CHST6: variants seen among roughly 807,000 people sequenced by gnomAD.
The protein encoded by CHST6 is carbohydrate sulfotransferase 6.
For synonymous variants in CHST6, 309 were observed against 276.4 expected (o/e 1.12, Z -1.17); for missense variants, 698 against 586.2 (o/e 1.19, Z -1.97).
rs749119225 is a variant in CHST6 at position 75,478,932 on chromosome 16, G to C, written c.897C>G (p.Leu299=). 17 of 1,613,100 alleles carry C rather than the reference G, an allele frequency of 1.1e-5. 1 individual carries two copies. In the South Asian group the frequency reaches 1.9e-4, roughly 18 times the overall value. ...AFTGLSLTPQ[L]EAWIHNITHG... is the part of the protein sequence containing the mutation. The stretch of plus-strand genomic sequence containing the variant: ...GGGTGATGTTATGGATCCAGGCCTC[G>C]AGCTGTGGCGTGAGACTGAGCCCAG... Residue 299 remains leucine, a synonymous_variant, in exon 3 of 3, where the codon CTC becomes CTG. Coordinates refer to ENST00000332272, the MANE Select transcript of CHST6 (RefSeq NM_021615.5).
rs887842598 is a variant in CHST6 at position 75,474,207 on chromosome 16, T to C, written c.*4434A>G. The C allele has an allele frequency of 2.4e-5, 4 of 166,732 alleles. No homozygotes were observed. Among genetic ancestry groups the C allele is most frequent in the Non-Finnish European group, 5.1e-5 (4 of 77,754 alleles). The allele number at this position is 166,732 out of a possible 1,614,324, so 10.3% of individuals were successfully genotyped here. On this transcript the variant is annotated 3_prime_UTR_variant, in exon 3 of 3. Transcript: ENST00000332272. ...ACAGAAACAAAAACATTGTTTTTCT[T>C]TGTGAATCTGTCTTTTCATTAAAAA...
chr16:75,479,670 C>G lies in CHST6; in HGVS notation c.159G>C (p.Ser53=). Residue 53 remains serine (S), a synonymous_variant, in exon 3 of 3, where the codon TCG becomes TCC. Coordinates refer to ENST00000332272, the MANE Select transcript of CHST6 (RefSeq NM_021615.5). ...GGTTGAAGAGTTGGCCCACGAAGGA[C>G]GAGCCCGAGCGCCACGAGGACAGCA... ...VLVLSSWRSG[S]SFVGQLFNQH... 1 of 1,612,450 alleles carries G rather than the reference C, an allele frequency of 6.2e-7. No individual in the cohort carries two copies. The highest frequency in any genetic ancestry group is 8.5e-7 in the Non-Finnish European group (1 of 1,179,620).
chr16:75,478,528 C>G lies in CHST6; in HGVS notation c.*113G>C. The G allele has an allele frequency of 2.9e-6, 3 of 1,050,888 alleles. No individual in the cohort carries two copies. The highest frequency in any genetic ancestry group is 4.4e-6 in the Non-Finnish European group (3 of 679,878). The allele number at this position is 1,050,888 out of a possible 1,614,324, so 65.1% of individuals were successfully genotyped here. On this transcript the variant is annotated 3_prime_UTR_variant, in exon 3 of 3. Transcript: ENST00000332272. ...TGCCTACTTGGGGAGGGGGAGGGGT[C>G]GTACCACAAACTCCTTGGTCAATAT...
chr16:75,480,056 G>A (rs1450216646), intron 2 of CHST6, among the ~76,000 whole-genome samples: 1 of 152,178 alleles, frequency 6.6e-6, no homozygotes, highest in African/African-American at 2.4e-5. Flanking sequence ...TGCAGAATGC[G>A]GTCGGAAATC....
rs2080078125 is a variant in CHST6, at chr16:75,477,407, G to A, written c.*1234C>T. 1 of 152,212 alleles carries A rather than the reference G, an allele frequency of 6.6e-6. No homozygotes were observed. The allele number at this position is 152,212 out of a possible 1,614,324, so 9.4% of individuals were successfully genotyped here. On this transcript the variant is annotated 3_prime_UTR_variant, in exon 3 of 3. Transcript: ENST00000332272. ...GTGACCACCAGCATCGCTCCTGGTA[G>A]CTGATGGCAACGTGAGGGAAACTGC...
At chr16:75,492,974 T>G (rs1332381781) in intron 1 of CHST6, among the ~76,000 whole-genome samples, 1 of 152,166 alleles carries the variant, frequency 6.6e-6, no homozygotes, top group Non-Finnish European at 1.5e-5. Context: ...ATCAGATATA[T>G]TTCAATATTG....
intron 1 of CHST6, among the ~76,000 whole-genome samples, chr16:75,487,339 T>A (rs1223144538): frequency 6.6e-6 from 1 of 152,136 alleles, no homozygotes; most frequent in African/African-American, 2.4e-5. Flanking sequence ...TGGGCAGCAC[T>A]CACTTCCAGC....
At position 75,479,335 on chromosome 16, in the gene CHST6, C is replaced by G; in HGVS notation, c.494G>C (p.Cys165Ser). ...RQSFTLAREACRSYSHVVLKE... is the reference protein window; with the variant it reads ...RQSFTLAREASRSYSHVVLKE... Reference sequence around the variant, plus strand: ...GAGCACCACGTGGCTGTAGGAGCGGCAGGCCTCCCGGGCCAGGGTGAAGGA... The same window carrying G: ...GAGCACCACGTGGCTGTAGGAGCGGGAGGCCTCCCGGGCCAGGGTGAAGGA... The change falls in exon 3 of 3, where the codon TGC (cysteine) becomes TCC (serine). Residue 165 changes from cysteine to serine, a missense_variant. Physicochemically the swap from Cys to Ser is moderately radical, Grantham distance 112. Transcript: ENST00000332272. 3.7e-6 allele frequency: 6 copies of G among 1,612,914 alleles called. No individual in the cohort carries two copies. The Middle Eastern group carries it at 4.9e-4, about 133-fold the overall frequency.
intron 1 of CHST6, among the ~76,000 whole-genome samples, chr16:75,486,615 C>T (rs529177526): frequency 3.0e-4 from 46 of 152,316 alleles, no homozygotes; most frequent in African/African-American, 1.1e-3. Context: ...AGGAAACTGC[C>T]TAGGTTTAAA....
chr16:75,493,995 C>A (rs2080284079), intron 1 of CHST6, among the ~76,000 whole-genome samples: 1 of 152,204 alleles, frequency 6.6e-6, no homozygotes, highest in African/African-American at 2.4e-5. Flanking sequence ...CAGGCACTCA[C>A]CACCATGCCC....
rs530627544 is a variant in CHST6 at position 75,478,003 on chromosome 16, A to G, written c.*638T>C. On this transcript the variant is annotated 3_prime_UTR_variant, in exon 3 of 3. Transcript: ENST00000332272. ...GGTCTCAGCATTCACAGCCTCCTCT[A>G]TCTCTCAGCTGTGTCCCTGGTCATG... 2 of 157,306 alleles carry G rather than the reference A, an allele frequency of 1.3e-5. No homozygotes were observed. The highest frequency in any genetic ancestry group is 4.8e-5 in the African/African-American group (2 of 41,516). 9.7% of individuals were successfully genotyped at this position (157,306 alleles called of 1,614,324 possible).
intron 1 of CHST6, among the ~76,000 whole-genome samples, chr16:75,488,368 G>A (rs1219285802): frequency 2.0e-5 from 3 of 152,056 alleles, no homozygotes; most frequent in Middle Eastern, 3.2e-3. Flanking sequence ...TCCAGAGGCT[G>A]AGGCAGGAGA....
intron 1 of CHST6, among the ~76,000 whole-genome samples, chr16:75,494,171 T>C (rs980609234): frequency 6.6e-6 from 1 of 152,146 alleles, no homozygotes; most frequent in African/African-American, 2.4e-5. Context: ...TGAAGCCGGA[T>C]TGGGTTCAAA....
rs559232004 is a variant in CHST6 at position 75,494,587 on chromosome 16, G to A, written c.-92+353C>T. Among the ~76,000 whole-genome samples the A allele has an allele frequency of 9.2e-5, 14 of 152,298 alleles. No homozygotes were observed. In the South Asian group the frequency reaches 2.9e-3, roughly 32 times the overall value. On this transcript the variant is annotated intron_variant, in intron 1 of 2. Transcript: ENST00000332272. ...GCAGGACTCCAATTCCCCTGGGTCT[G>A]GTTCCAAATCAACCCGCCAAGCTAC...
Position 75,479,916 on chromosome 16 carries a change from C to T in CHST6, c.-16-72G>A, listed in dbSNP as rs529888813. The T allele has an allele frequency of 2.7e-5, 35 of 1,312,956 alleles. No individual in the cohort carries two copies. In the African/African-American group the frequency reaches 3.7e-4, roughly 14 times the overall value. The allele number at this position is 1,312,956 out of a possible 1,614,324, so 81.3% of individuals were successfully genotyped here. Reference sequence around the variant, plus strand: ...ATCCCGTACCCCACTGCCCAGTGCCCGCAGGGGGCAGATTCTACCACCAGA... The same window carrying T: ...ATCCCGTACCCCACTGCCCAGTGCCTGCAGGGGGCAGATTCTACCACCAGA... On this transcript the variant is annotated intron_variant, in intron 2 of 2. Coordinates refer to ENST00000332272, the MANE Select transcript of CHST6 (RefSeq NM_021615.5).
chr16:75,483,521 G>A (rs189020802), intron 1 of CHST6, among the ~76,000 whole-genome samples: 6 of 152,310 alleles, frequency 3.9e-5, no homozygotes, highest in South Asian at 2.1e-4. Flanking sequence ...GGAGCCTTAC[G>A]TTCAGCACAG....
intron 2 of CHST6, among the ~76,000 whole-genome samples, 154 bp from the exon 3 acceptor site, chr16:75,479,998 C>A (rs1761079223): frequency 6.6e-6 from 1 of 152,204 alleles, no homozygotes; most frequent in South Asian, 2.1e-4. Context: ...GAAATGTGGC[C>A]TTAAGACATA....
chr16:75,488,863 G>A (rs2080228999), intron 1 of CHST6, among the ~76,000 whole-genome samples: 1 of 151,832 alleles, frequency 6.6e-6, no homozygotes, highest in African/African-American at 2.4e-5. Context: ...CTCCAGCCTG[G>A]GCAACAAGAG....
rs1032541102 is a variant in CHST6 at position 75,474,298 on chromosome 16, G to C, written c.*4343C>G. The C allele has an allele frequency of 3.2e-6, 1 of 316,562 alleles. No individual in the cohort carries two copies. Among genetic ancestry groups the C allele is most frequent in the Admixed American group, 4.9e-5 (1 of 20,288 alleles). The allele number at this position is 316,562 out of a possible 1,614,324, so 19.6% of individuals were successfully genotyped here. A position where few individuals can be genotyped will look rare whatever the true frequency, so the allele number is the denominator to read the frequency against. ...AGATGGGGTCATTTATTTAGAGATA[G>C]GTGTCTTGCTCTGTCACTCAGGCTG... On this transcript the variant is annotated 3_prime_UTR_variant, in exon 3 of 3. Transcript: ENST00000332272.
Sources: allele counts gnomAD v4.1 joint callset (sites outside exome capture counted in the v4.1 genomes callset), GRCh38; gene constraint gnomAD v4.1.1; transcripts MANE v1.5; gene names NCBI Gene and HGNC (gene_info 2026-07-23, HGNC 2026-07-21).